The following NRG1 variants were observed in gnomAD, a reference collection of about 807,000 sequenced individuals.
NRG1 encodes the protein neuregulin 1.
In NRG1, 18 loss-of-function variants were observed where a neutral mutation model predicts 63.8. The observed-to-expected ratio is 0.28, with a 90% CI of 0.19 to 0.42. NRG1 has a LOEUF of 0.42. NRG1 is among the 10% of genes least tolerant of loss of function. NRG1 has a pLI of 1.00. For missense variants in NRG1, 762 were observed against 814.7 expected (o/e 0.94, Z 0.79); for synonymous variants, 302 against 301.3 (o/e 1.00, Z -0.02).
intron 5 of NRG1, among the ~76,000 whole-genome samples, chr8:32,637,981 A>G (rs1279310796): frequency 1.3e-5 from 2 of 152,256 alleles, no homozygotes; most frequent in African/African-American, 4.8e-5. Flanking sequence ...GTATTGGTAC[A>G]GACATCATTC....
At chr8:31,919,275 G>T (rs1220947663) in intron 1 of NRG1, among the ~76,000 whole-genome samples, 3 of 151,072 alleles carry the variant, frequency 2.0e-5, no homozygotes, top group Non-Finnish European at 4.4e-5. Context: ...CTAAATATTT[G>T]TTATATTTTT....
intron 1 of NRG1, among the ~76,000 whole-genome samples, chr8:32,336,392 G>A (rs562350515): frequency 1.1e-4 from 16 of 152,202 alleles, no homozygotes; most frequent in African/African-American, 3.9e-4. Flanking sequence ...TAGTGAGGTC[G>A]TTTCCAAAAC....
chr8:32,658,331 C>T (rs1368801360), intron 5 of NRG1, among the ~76,000 whole-genome samples: 3 of 152,106 alleles, frequency 2.0e-5, no homozygotes, highest in Non-Finnish European at 4.4e-5. Context: ...TAATAACTTA[C>T]AATACTAGTG....
intron 5 of NRG1, chr8:32,647,896 C>G (rs773794462): frequency 6.2e-7 from 1 of 1,614,108 alleles, no homozygotes; most frequent in Non-Finnish European, 8.5e-7. Flanking sequence ...CCCTGCTGTG[C>G]GTGCCTAGAA....
chr8:32,534,015 A>T (rs900477703), intron 1 of NRG1, among the ~76,000 whole-genome samples: 2 of 152,100 alleles, frequency 1.3e-5, no homozygotes, highest in Non-Finnish European at 2.9e-5. Flanking sequence ...TAATTTTGGC[A>T]GTTTTTGTCA....
At chr8:31,780,802 G>C (rs548795323) in intron 1 of NRG1, among the ~76,000 whole-genome samples, 1 of 152,250 alleles carries the variant, frequency 6.6e-6, no homozygotes, top group East Asian at 1.9e-4. Context: ...TGGGAGATGA[G>C]GAACCTTGGT....
At chr8:32,492,010 A>C (rs1235850599) in intron 1 of NRG1, among the ~76,000 whole-genome samples, 1 of 152,232 alleles carries the variant, frequency 6.6e-6, no homozygotes, top group Admixed American at 6.5e-5. Context: ...TCAGTATAGA[A>C]TATCATGTAT....
intron 1 of NRG1, among the ~76,000 whole-genome samples, chr8:31,663,368 C>T (rs1272765981): frequency 1.3e-5 from 2 of 152,240 alleles, no homozygotes; most frequent in African/African-American, 4.8e-5. Context: ...CAGGGAAGCC[C>T]AAAGAGTAGG....
chr8:31,981,857 C>T (rs1809165033), intron 1 of NRG1, among the ~76,000 whole-genome samples: 5 of 151,644 alleles, frequency 3.3e-5, no homozygotes, highest in Admixed American at 3.3e-4. Flanking sequence ...ATAATAGAGC[C>T]TAGACAAAGG....
intron 1 of NRG1, among the ~76,000 whole-genome samples, chr8:31,740,841 T>C (rs1409869262): frequency 6.6e-6 from 1 of 151,936 alleles, no homozygotes; most frequent in Non-Finnish European, 1.5e-5. Flanking sequence ...AGATGGGAAG[T>C]GTTTCGACTC....
rs1008339510 is a variant in NRG1, at chr8:32,719,050, G to A, written c.503-8899G>A. Among the ~76,000 whole-genome samples the A allele has an allele frequency of 2.0e-5, 3 of 152,138 alleles. 1 individual carries two copies. The East Asian group carries it at 5.8e-4, about 29-fold the overall frequency. On this transcript the variant is annotated intron_variant, in intron 5 of 11. Coordinates refer to ENST00000356819, the Ensembl canonical transcript of NRG1. ...CTTTTAAGAGCAATGCTGAATAGTA[G>A]CACTGATAGTCAATATCCTTTACTT...
At chr8:31,681,435 T>G (rs2131063951) in intron 1 of NRG1, among the ~76,000 whole-genome samples, 1 of 152,040 alleles carries the variant, frequency 6.6e-6, no homozygotes, top group East Asian at 1.9e-4. Flanking sequence ...ACAACCTCAT[T>G]AGCAATCAAA....
intron 1 of NRG1, among the ~76,000 whole-genome samples, chr8:31,959,939 A>G (rs1431255759): frequency 6.6e-6 from 1 of 151,880 alleles, no homozygotes; most frequent in African/African-American, 2.4e-5. Flanking sequence ...GGCCACAGGC[A>G]CGGATGCAGA....
At chr8:32,322,375 A>G (rs576475179) in intron 1 of NRG1, among the ~76,000 whole-genome samples, 1 of 150,678 alleles carries the variant, frequency 6.6e-6, no homozygotes, top group Admixed American at 6.6e-5. Flanking sequence ...ATATATATAT[A>G]TACCCATTAA....
chr8:32,142,101 T>C (rs1836353081), intron 1 of NRG1, among the ~76,000 whole-genome samples: 1 of 152,172 alleles, frequency 6.6e-6, no homozygotes, highest in Non-Finnish European at 1.5e-5. Context: ...AAGACGCTTA[T>C]AGCTTGCCTA....
At chr8:31,902,426 G>C (rs1832162207) in intron 1 of NRG1, among the ~76,000 whole-genome samples, 1 of 152,044 alleles carries the variant, frequency 6.6e-6, no homozygotes, top group African/African-American at 2.4e-5. Context: ...CATCAACTCT[G>C]ATTACAAAGT....
chr8:32,694,128 G>C (rs900066756), intron 5 of NRG1, among the ~76,000 whole-genome samples: 2 of 152,194 alleles, frequency 1.3e-5, no homozygotes, highest in African/African-American at 4.8e-5. Flanking sequence ...ACTGAGGGTA[G>C]ATGGTCTTCT....
intron 1 of NRG1, among the ~76,000 whole-genome samples, chr8:31,735,747 C>T (rs545743412): frequency 6.6e-6 from 1 of 152,314 alleles, no homozygotes; most frequent in East Asian, 1.9e-4. Flanking sequence ...AACTGCTGCT[C>T]ACTCGCTAAT....
chr8:31,994,870 A>G (rs1238269509), intron 1 of NRG1, among the ~76,000 whole-genome samples: 1 of 151,898 alleles, frequency 6.6e-6, no homozygotes, highest in Non-Finnish European at 1.5e-5. Flanking sequence ...GATTGAAAAT[A>G]TAAATTAAGA....
Sources: allele counts gnomAD v4.1 joint callset (sites outside exome capture counted in the v4.1 genomes callset), GRCh38; gene constraint gnomAD v4.1.1; transcripts MANE v1.5; gene names NCBI Gene and HGNC (gene_info 2026-07-23, HGNC 2026-07-21).